Variants in CD58 observed in about 807,000 individuals in gnomAD.
The protein encoded by CD58 is lymphocyte function-associated antigen 3.
A neutral mutation model predicts 27.6 loss-of-function variants in CD58; 14 were observed. That is an observed-to-expected ratio of 0.51 (90% CI 0.34 to 0.79). CD58 has a LOEUF of 0.79. Ranked by LOEUF, CD58 falls within the 30% of genes least tolerant of loss-of-function variation. CD58 has a pLI of 0.02. For missense variants in CD58, 268 were observed against 301.7 expected, an observed-to-expected ratio of 0.89 and a Z score of 0.83; for synonymous variants, 117 against 103.8, an observed-to-expected ratio of 1.13 and a Z score of -0.77.
intron 1 of CD58, among the ~76,000 whole-genome samples, chr1:116,568,316 A>G (rs190697756): frequency 2.0e-5 from 3 of 152,324 alleles, no homozygotes; most frequent in East Asian, 3.9e-4. Context: ...AAAATAACAG[A>G]TGGCAAAAAT....
At chr1:116,565,103 C>T (rs750503327) in intron 1 of CD58, among the ~76,000 whole-genome samples, 7 of 152,322 alleles carry the variant, frequency 4.6e-5, no homozygotes, top group Non-Finnish European at 7.4e-5. Flanking sequence ...CCCTGCTCTT[C>T]CTTTTCTCTC....
Position 116,519,338 on chromosome 1 carries a change from GC to G in CD58, c.707-72del. On this transcript the variant is annotated intron_variant, in intron 4 of 5. Coordinates refer to ENST00000369489, the MANE Select transcript of CD58 (RefSeq NM_001779.3). This position sits in a 1 kb window ranked among gnomAD's most constrained non-coding sequence, Gnocchi z 4.7. The stretch of plus-strand genomic sequence containing the variant: ...AAGGTGAAATGTGGAGTTACTGACT[GC>G]CTATTAGAGGCCTAAATATGGAAAA... 7.2e-7 allele frequency: 1 copy of G among 1,389,380 alleles called. No homozygotes were observed. The highest frequency in any genetic ancestry group is 1.0e-6 in the Non-Finnish European group (1 of 992,964). 86.1% of individuals were successfully genotyped at this position (1,389,380 alleles called of 1,614,324 possible).
Position 116,563,769 on chromosome 1 carries a change from C to G in CD58, c.70+7134G>C, listed in dbSNP as rs1298134766. Among the ~76,000 whole-genome samples, 1 of 152,190 alleles carries G rather than the reference C, an allele frequency of 6.6e-6. No individual in the cohort carries two copies. Among genetic ancestry groups the G allele is most frequent in the African/African-American group, 2.4e-5 (1 of 41,448 alleles). On this transcript the variant is annotated intron_variant, in intron 1 of 5. Transcript: ENST00000369489. The surrounding 1 kb of genome is among the most constrained non-coding windows in gnomAD (Gnocchi z 4.1). ...AGAGCAGGGGGGCCCTGGGTCCAGC[C>G]CATGAAACAATTTTTCCCTCCAAGG... is the stretch of plus-strand genomic sequence containing the variant.
chr1:116,529,682 C>T (rs1657534142), intron 3 of CD58, among the ~76,000 whole-genome samples: 1 of 152,190 alleles, frequency 6.6e-6, no homozygotes, highest in Non-Finnish European at 1.5e-5. Context: ...TTAAATGTGA[C>T]ACATTTATGT....
rs1657083260 is a variant in CD58 at position 116,516,338 on chromosome 1, G to A, written c.744-1516C>T. ...AATAAAAATATACCAAGAAAAGTAA[G>A]CTCCTCTCTCAATCTCAGCCCCAAA... On this transcript the variant is annotated intron_variant, in intron 5 of 5. Coordinates refer to ENST00000369489, the MANE Select transcript of CD58 (RefSeq NM_001779.3). The surrounding 1 kb of genome is among the most constrained non-coding windows in gnomAD (Gnocchi z 6.1). Among the ~76,000 whole-genome samples the A allele has an allele frequency of 6.6e-6, 1 of 152,140 alleles. No individual in the cohort carries two copies. The highest frequency in any genetic ancestry group is 1.5e-5 in the Non-Finnish European group (1 of 68,020).
intron 2 of CD58, 141 bp downstream of exon 2, chr1:116,544,170 A>G (rs900074830): frequency 3.2e-6 from 2 of 618,584 alleles, no homozygotes. Flanking sequence ...TAGCTCCTCT[A>G]TACCAGAAAA....
rs968260632 is a variant in CD58, at chr1:116,546,594, C to A, written c.71-1990G>T. On this transcript the variant is annotated intron_variant, in intron 1 of 5. Transcript: ENST00000369489. The surrounding 1 kb of genome is among the most constrained non-coding windows in gnomAD (Gnocchi z 4.1). ...AAATGAAACAATGAGTGATAGAGGG[C>A]AGGGTGGTGGTGAAAGAGTAGGTAT... Among the ~76,000 whole-genome samples, 1 of 152,110 alleles carries A rather than the reference C, an allele frequency of 6.6e-6. No homozygotes were observed. The highest frequency in any genetic ancestry group is 1.5e-5 in the Non-Finnish European group (1 of 68,030).
rs188594959 is a variant in CD58, at chr1:116,538,433, A to G, written c.365-2205T>C. 2.5e-4 allele frequency among the ~76,000 whole-genome samples: 38 copies of G among 152,236 alleles called. No homozygotes were observed. The highest frequency in any genetic ancestry group is 4.4e-4 in the Non-Finnish European group (30 of 68,020). On this transcript the variant is annotated intron_variant, in intron 2 of 5. Coordinates refer to ENST00000369489, the MANE Select transcript of CD58 (RefSeq NM_001779.3). The surrounding 1 kb of genome is among the most constrained non-coding windows in gnomAD (Gnocchi z 4.7). ...AATGCCTGTTCTCAGTATTTCATAT[A>G]CTTATGCCTGCCTCTGTAACTAGGC...
rs543762781 is a variant in CD58 at position 116,546,856 on chromosome 1, G to T, written c.71-2252C>A. Among the ~76,000 whole-genome samples, 32 of 152,136 alleles carry T rather than the reference G, an allele frequency of 2.1e-4. No individual in the cohort carries two copies. Among genetic ancestry groups the T allele is most frequent in the Non-Finnish European group, 3.2e-4 (22 of 67,996 alleles). ...TCCACTTACATGTGGATTTTCTTCC[G>T]CCTCTGCCATCCCTGAGATAGCAAG... On this transcript the variant is annotated intron_variant, in intron 1 of 5. Transcript: ENST00000369489. This position sits in a 1 kb window ranked among gnomAD's most constrained non-coding sequence, Gnocchi z 4.1.
intron 4 of CD58, among the ~76,000 whole-genome samples, chr1:116,520,749 G>T (rs553330357): frequency 2.0e-5 from 3 of 152,290 alleles, no homozygotes; most frequent in African/African-American, 7.2e-5. Context: ...AATATTTTAT[G>T]CATTGGGCAA....
rs572381235 is a variant in CD58, at chr1:116,562,841, T to G, written c.70+8062A>C. Among the ~76,000 whole-genome samples the G allele has an allele frequency of 2.6e-5, 4 of 152,246 alleles. No individual in the cohort carries two copies. In the East Asian group the frequency reaches 7.7e-4, roughly 29 times the overall value. ...ATTACAATTCAAGGTGAGATTTGGG[T>G]GGGGACACAGCCAAACCATATCATT... On this transcript the variant is annotated intron_variant, in intron 1 of 5. Coordinates refer to ENST00000369489, the MANE Select transcript of CD58 (RefSeq NM_001779.3).
At chr1:116,568,401 G>C (rs540602892) in intron 1 of CD58, among the ~76,000 whole-genome samples, 7 of 152,098 alleles carry the variant, frequency 4.6e-5, no homozygotes, top group Non-Finnish European at 1.0e-4. Flanking sequence ...TACTAATTTT[G>C]CAACTGTCCT....
intron 1 of CD58, among the ~76,000 whole-genome samples, chr1:116,562,282 C>T (rs1571091215): frequency 6.6e-6 from 1 of 152,138 alleles, no homozygotes; most frequent in East Asian, 1.9e-4. Flanking sequence ...AAAATGTCAA[C>T]AACAGCAGAA....
rs1657608608 is a variant in CD58 at position 116,531,549 on chromosome 1, C to G, written c.628+4416G>C. On this transcript the variant is annotated intron_variant, in intron 3 of 5. Coordinates refer to ENST00000369489, the MANE Select transcript of CD58 (RefSeq NM_001779.3). This position sits in a 1 kb window ranked among gnomAD's most constrained non-coding sequence, Gnocchi z 4.5. ...TATGCCTTGGGTATTATGTAACACT[C>G]AAAAGGTGGAATTAATAAAGGAATG... Among the ~76,000 whole-genome samples the G allele has an allele frequency of 6.6e-6, 1 of 152,082 alleles. No homozygotes were observed. Among genetic ancestry groups the G allele is most frequent in the Admixed American group, 6.5e-5 (1 of 15,274 alleles).
intron 3 of CD58, chr1:116,533,181 T>C (rs1428758501): frequency 5.3e-6 from 4 of 754,160 alleles, no homozygotes; most frequent in Non-Finnish European, 9.8e-6. Flanking sequence ...ATCCAGTGAT[T>C]CTCCGTCCCC....
At chr1:116,542,364 T>C (rs891911951) in intron 2 of CD58, among the ~76,000 whole-genome samples, 9 of 152,204 alleles carry the variant, frequency 5.9e-5, no homozygotes, top group Admixed American at 2.6e-4. Flanking sequence ...TGATCAGCTA[T>C]GTCAAAAGCT....
intron 1 of CD58, among the ~76,000 whole-genome samples, chr1:116,545,856 TC>T (rs913854378): frequency 7.9e-5 from 12 of 152,324 alleles, no homozygotes; most frequent in African/African-American, 2.9e-4. Context: ...TTTAAATGCA[TC>T]TTGCTCTAGG....
rs112303780 is a variant in CD58 at position 116,516,822 on chromosome 1, C to T, written c.744-2000G>A. On this transcript the variant is annotated intron_variant, in intron 5 of 5. Transcript: ENST00000369489. This position sits in a 1 kb window ranked among gnomAD's most constrained non-coding sequence, Gnocchi z 6.1. Reference sequence around the variant, plus strand: ...CCTGCCTAAGTCCTTCTAAGAGTTTCGTATGCTCATGTGCATCCATTCTCT... The same window carrying T: ...CCTGCCTAAGTCCTTCTAAGAGTTTTGTATGCTCATGTGCATCCATTCTCT... 2.6e-5 allele frequency among the ~76,000 whole-genome samples: 4 copies of T among 152,270 alleles called. No individual in the cohort carries two copies. The highest frequency in any genetic ancestry group is 9.6e-5 in the African/African-American group (4 of 41,546).
In CD58 at chr1:116,529,629, T is replaced by C. The variant is rs1380266950; in HGVS notation, c.628+6336A>G. 2.0e-5 allele frequency among the ~76,000 whole-genome samples: 3 copies of C among 152,234 alleles called. No individual in the cohort carries two copies. In the East Asian group the frequency reaches 5.8e-4, roughly 29 times the overall value. On this transcript the variant is annotated intron_variant, in intron 3 of 5. Transcript: ENST00000369489. Reference sequence around the variant, plus strand: ...TTATTTAACCTCACTGTGCCTCAGATTCCTCCTTTATAAATACCCACACCA... The same window carrying C: ...TTATTTAACCTCACTGTGCCTCAGACTCCTCCTTTATAAATACCCACACCA...
Sources: gnomAD v4.1 joint callset for allele counts (sites outside exome capture counted in the v4.1 genomes callset) on GRCh38, gnomAD v4.1.1 for gene constraint, Gnocchi (gnomAD v3.1) non-coding constraint, MANE v1.5 for transcripts, NCBI Gene and HGNC (gene_info 2026-07-23, HGNC 2026-07-21) for gene names.